OR6N1: variants seen among roughly 807,000 people sequenced by gnomAD.
The protein encoded by OR6N1 is olfactory receptor 6N1.
For missense variants in OR6N1, 394 were observed against 371.7 expected (o/e 1.06, Z -0.49); for synonymous variants, 170 against 150.7 (o/e 1.13, Z -0.94).
intron 1 of OR6N1, among the ~76,000 whole-genome samples, chr1:158,768,697 C>G (rs1277466538): frequency 6.6e-6 from 1 of 152,194 alleles, no homozygotes; most frequent in African/African-American, 2.4e-5. Context: ...GTTCTAGAAT[C>G]TCTTTCACCA....
At chr1:158,804,725 T>C in the OR6N1 span, among the ~76,000 whole-genome samples, 1 of 152,288 alleles carries the variant, frequency 6.6e-6, no homozygotes, top group East Asian at 1.9e-4. Flanking sequence ...AAATGTGCTG[T>C]AAATGTTAGG....
chr1:158,794,567 G>T, the OR6N1 span, among the ~76,000 whole-genome samples: 2 of 152,162 alleles, frequency 1.3e-5, no homozygotes. Flanking sequence ...TCTCCCAGCA[G>T]CAGGTACCAG....
At chr1:158,806,846 G>A in the OR6N1 span, among the ~76,000 whole-genome samples, 5 of 151,564 alleles carry the variant, frequency 3.3e-5, no homozygotes, top group South Asian at 2.1e-4. Flanking sequence ...CCTAGTTCAG[G>A]TCCTGCTTTC....
chr1:158,809,000 T>C, the OR6N1 span: 1 of 152,820 alleles, frequency 6.5e-6, no homozygotes. Flanking sequence ...ACCCAGCAGG[T>C]AGCACTCAGT....
At chr1:158,814,569 A>C in the OR6N1 span, among the ~76,000 whole-genome samples, 15 of 152,300 alleles carry the variant, frequency 9.8e-5, no homozygotes, top group East Asian at 2.7e-3. Context: ...GTCTGTTGAG[A>C]GTCTGCTTCT....
the OR6N1 span, among the ~76,000 whole-genome samples, chr1:158,784,530 T>C: frequency 6.6e-6 from 1 of 152,194 alleles, no homozygotes; most frequent in Non-Finnish European, 1.5e-5. Flanking sequence ...TCCTCCTGTC[T>C]AACTGTAACT....
the OR6N1 span, among the ~76,000 whole-genome samples, chr1:158,800,710 C>T: frequency 6.6e-6 from 1 of 152,190 alleles, no homozygotes; most frequent in Non-Finnish European, 1.5e-5. Context: ...GTCATCCCTG[C>T]ATTTGGAAAG....
chr1:158,827,846 G>A, the OR6N1 span, among the ~76,000 whole-genome samples: 1 of 152,160 alleles, frequency 6.6e-6, no homozygotes, highest in Non-Finnish European at 1.5e-5. Context: ...GCATACCTGA[G>A]ACTGGGCCTT....
At chr1:158,783,963 G>C in the OR6N1 span, among the ~76,000 whole-genome samples, 2 of 152,022 alleles carry the variant, frequency 1.3e-5, no homozygotes, top group Non-Finnish European at 2.9e-5. Flanking sequence ...AAAATTAGCC[G>C]GATATGGTGG....
At chr1:158,772,490 G>C (rs1311184720), upstream of OR6N1, among the ~76,000 whole-genome samples, 1 of 152,140 alleles carries the variant, frequency 6.6e-6, no homozygotes, top group Non-Finnish European at 1.5e-5. Flanking sequence ...GGTTCAAATG[G>C]GTTCCTGTAC....
Position 158,766,566 on chromosome 1 carries a change from C to A in OR6N1, c.117G>T (p.Val39=). 1 of 1,614,006 alleles carries A rather than the reference C, an allele frequency of 6.2e-7. No homozygotes were observed. Among genetic ancestry groups the A allele is most frequent in the Non-Finnish European group, 8.5e-7 (1 of 1,180,020 alleles). ...LLLLLIYLMT[V]LGNLLIFLVV... ...CCAGGAATATCAGCAGGTTTCCCAA[C>A]ACAGTCATGAGGTAAATGAGAAGCA... is the stretch of plus-strand genomic sequence containing the variant. Residue 39 remains valine, a synonymous_variant, in exon 2 of 2, where the codon GTG becomes GTT. Transcript: ENST00000641846.
chr1:158,807,280 G>C, the OR6N1 span, among the ~76,000 whole-genome samples: 1 of 152,128 alleles, frequency 6.6e-6, no homozygotes, highest in Non-Finnish European at 1.5e-5. Flanking sequence ...AAACATGAAG[G>C]CAGCTGTAAC....
At chr1:158,839,857 T>C in the OR6N1 span, among the ~76,000 whole-genome samples, 1 of 152,236 alleles carries the variant, frequency 6.6e-6, no homozygotes, top group South Asian at 2.1e-4. Context: ...TTCCATGGTA[T>C]AATGAAAGTC....
At chr1:158,799,266 G>A in the OR6N1 span, among the ~76,000 whole-genome samples, 17 of 152,144 alleles carry the variant, frequency 1.1e-4, no homozygotes, top group Non-Finnish European at 1.9e-4. Flanking sequence ...CCAAAGAAAT[G>A]ACGAACGTAC....
At chr1:158,812,099 C>T in the OR6N1 span, among the ~76,000 whole-genome samples, 2 of 152,120 alleles carry the variant, frequency 1.3e-5, no homozygotes, top group East Asian at 1.9e-4. Context: ...ACTAAAACAC[C>T]CCCAATTTGC....
intron 1 of OR6N1, among the ~76,000 whole-genome samples, chr1:158,767,482 A>C (rs1202914360): frequency 1.3e-5 from 2 of 152,204 alleles, no homozygotes; most frequent in Admixed American, 6.5e-5. Context: ...TATTAAATAT[A>C]CATGCTCTAC....
chr1:158,781,359 A>G, the OR6N1 span, among the ~76,000 whole-genome samples: 1 of 152,250 alleles, frequency 6.6e-6, no homozygotes, highest in Non-Finnish European at 1.5e-5. Flanking sequence ...CCCCAGAGAC[A>G]GGTGAGAATC....
Position 158,771,710 on chromosome 1 carries a change from G to A in OR6N1, c.-19+311C>T, listed in dbSNP as rs151246306. 4.3e-3 allele frequency among the ~76,000 whole-genome samples: 654 copies of A among 152,236 alleles called. 8 individuals are homozygous for A. The highest frequency in any genetic ancestry group is 0.015 in the African/African-American group (623 of 41,534). ...AATTTTAGAGATTATCACACTCAAC[G>A]TCTTCATTTAAAAAACGAAACAAAC... On this transcript the variant is annotated intron_variant, in intron 1 of 1. Coordinates refer to ENST00000641846, the MANE Select transcript of OR6N1 (RefSeq NM_001005185.2).
chr1:158,784,087 C>T, the OR6N1 span, among the ~76,000 whole-genome samples: 1 of 152,016 alleles, frequency 6.6e-6, no homozygotes, highest in East Asian at 1.9e-4. Flanking sequence ...GCCTGGGCGA[C>T]GGAGCGAGAC....
Sources: gnomAD v4.1 joint callset for allele counts (sites outside exome capture counted in the v4.1 genomes callset) on GRCh38, gnomAD v4.1.1 for gene constraint, MANE v1.5 for transcripts, NCBI Gene and HGNC (gene_info 2026-07-23, HGNC 2026-07-21) for gene names.